The following WDR19 variants were observed in gnomAD, a reference collection of about 807,000 sequenced individuals.
WDR19 encodes WD repeat-containing protein 19.
Under a neutral mutation model 180.0 loss-of-function variants are expected in WDR19, and 121 were observed. The ratio of observed to expected loss-of-function variants is 0.67; its 90% CI spans 0.58 to 0.78. The LOEUF is 0.78. Ranked by LOEUF, WDR19 falls within the 30% of genes least tolerant of loss-of-function variation. The probability of loss-of-function intolerance (pLI) is 0.00; values close to 1 mark genes in which losing one functional copy is unlikely to be tolerated. For synonymous variants in WDR19, 497 were observed against 540.7 expected (o/e 0.92, Z 1.12); for missense variants, 1,450 against 1,640.7 (o/e 0.88, Z 2.01).
chr4:39,271,043 T>C (rs899875285), intron 31 of WDR19, among the ~76,000 whole-genome samples: 1 of 151,684 alleles, frequency 6.6e-6, no homozygotes, highest in African/African-American at 2.4e-5. Context: ...TACAGGCAAA[T>C]GCCACCACAC....
At chr4:39,211,259 C>T (rs1473364) in intron 9 of WDR19, among the ~76,000 whole-genome samples, 59,942 of 152,026 alleles carry the variant, frequency 0.39, 13,514 homozygotes, top group African/African-American at 0.63. Flanking sequence ...ACGGAATGCT[C>T]GTCCCTTAAG....
intron 9 of WDR19, among the ~76,000 whole-genome samples, chr4:39,208,687 A>G (rs562795336): frequency 5.3e-5 from 8 of 152,214 alleles, no homozygotes; most frequent in Non-Finnish European, 1.0e-4. Context: ...GTAAAAGGAT[A>G]GAAAAAGACC....
chr4:39,185,918 TGGAGTCTAGC>T, intron 2 of WDR19, 101 bp downstream of exon 2: 1 of 1,011,132 alleles, frequency 9.9e-7, no homozygotes, highest in Non-Finnish European at 1.4e-6. Flanking sequence ...TTTTTTTAAA[TGGAGTCTAGC>T]TTTGTTGCCC....
intron 17 of WDR19, among the ~76,000 whole-genome samples, chr4:39,230,929 A>G (rs1457046186): frequency 1.3e-5 from 2 of 152,278 alleles, no homozygotes; most frequent in South Asian, 2.1e-4. Flanking sequence ...CAAATGGCAA[A>G]TATTTCAAGC....
intron 33 of WDR19, 162 bp from the exon 34 acceptor site, chr4:39,276,858 G>C: frequency 1.2e-6 from 1 of 839,290 alleles, no homozygotes; most frequent in Middle Eastern, 2.4e-4. Context: ...CCCTGGAGTG[G>C]ATCAAGGGCT....
chr4:39,197,269 C>CA (rs1287566505), intron 5 of WDR19, among the ~76,000 whole-genome samples: 1 of 151,386 alleles, frequency 6.6e-6, no homozygotes. Context: ...ACAAAAAATA[C>CA]AAAAAAATTA....
At chr4:39,245,193 C>T (rs28379410) in intron 23 of WDR19, among the ~76,000 whole-genome samples, 176 bp from the exon 24 acceptor site, 39 of 151,882 alleles carry the variant, frequency 2.6e-4, no homozygotes, top group African/African-American at 8.2e-4. Context: ...GTGATCTGCC[C>T]GCCTCAGCCT....
intron 21 of WDR19, among the ~76,000 whole-genome samples, chr4:39,241,559 T>C (rs1731952476): frequency 6.6e-6 from 1 of 150,666 alleles, no homozygotes; most frequent in Non-Finnish European, 1.5e-5. Context: ...CCCCAGCACT[T>C]TGGGAGGCTG....
chr4:39,205,381 A>G, intron 8 of WDR19, 115 bp downstream of exon 8: 1 of 1,199,778 alleles, frequency 8.3e-7, no homozygotes, highest in Non-Finnish European at 1.2e-6. Context: ...TATACGTCAC[A>G]TTTTCTGATT....
At chr4:39,273,270 C>G (rs890250136) in intron 32 of WDR19, 8 of 512,560 alleles carry the variant, frequency 1.6e-5, no homozygotes, top group Non-Finnish European at 2.7e-5. Flanking sequence ...ACAGTAGTAC[C>G]AAAGCCGAGA....
chr4:39,267,654 C>T (rs1159623278), intron 29 of WDR19, among the ~76,000 whole-genome samples: 1 of 152,146 alleles, frequency 6.6e-6, no homozygotes, highest in African/African-American at 2.4e-5. Flanking sequence ...GGAGTAGGGT[C>T]AGGAATAGAC....
chr4:39,277,207 GATGT>G (rs1735989631), intron 34 of WDR19, 64 bp downstream of exon 34: 2 of 1,475,904 alleles, frequency 1.4e-6, no homozygotes, highest in Non-Finnish European at 1.8e-6. Context: ...TTGAATACTT[GATGT>G]ATGTCAATAT....
chr4:39,205,899 CAAAGT>C (rs1176483637), intron 9 of WDR19, 163 bp downstream of exon 9: 1 of 668,638 alleles, frequency 1.5e-6, no homozygotes, highest in East Asian at 2.9e-5. Context: ...AAATATAAAA[CAAAGT>C]ATAGTTGAAA....
At chr4:39,259,514 G>C (rs187803497) in intron 28 of WDR19, among the ~76,000 whole-genome samples, 1 of 152,254 alleles carries the variant, frequency 6.6e-6, no homozygotes, top group East Asian at 1.9e-4. Flanking sequence ...GTGGCCTTTT[G>C]TGCCTGCTTC....
intron 14 of WDR19, among the ~76,000 whole-genome samples, chr4:39,220,829 TTTTA>T (rs967767833): frequency 4.0e-5 from 6 of 149,658 alleles, no homozygotes; most frequent in African/African-American, 1.5e-4. Flanking sequence ...TATATTTTCT[TTTTA>T]TTTATTTATT....
rs13116473 is a variant in WDR19 at position 39,183,092 on chromosome 4, A to G, written c.6+529A>G. Among the ~76,000 whole-genome samples the G allele has an allele frequency of 8.5e-3, 1,300 of 152,104 alleles. 11 individuals carry two copies. Among genetic ancestry groups the G allele is most frequent in the Middle Eastern group, 0.044 (13 of 294 alleles). Reference sequence around the variant, plus strand: ...TCCAATCACCTGCTAGCGAGTGTACATTATTGACGGGAAATCTGCACCCGA... The same window carrying G: ...TCCAATCACCTGCTAGCGAGTGTACGTTATTGACGGGAAATCTGCACCCGA... On this transcript the variant is annotated intron_variant, in intron 1 of 36. Coordinates refer to ENST00000399820, the MANE Select transcript of WDR19 (RefSeq NM_025132.4).
intron 28 of WDR19, among the ~76,000 whole-genome samples, chr4:39,259,491 A>C (rs1463800625): frequency 6.6e-6 from 1 of 152,200 alleles, no homozygotes; most frequent in Non-Finnish European, 1.5e-5. Flanking sequence ...ATATAAATGG[A>C]ACCATATAAT....
In WDR19 at chr4:39,264,191, C is replaced by T. The variant is rs1578025452; in HGVS notation, c.3184-1872C>T. On this transcript the variant is annotated intron_variant, in intron 28 of 36. Coordinates refer to ENST00000399820, the MANE Select transcript of WDR19 (RefSeq NM_025132.4). ...CCCATATTGAGGCCCCAAGAGTAAT[C>T]TGCCCACGATCACATGGGTCTCAAG... Among the ~76,000 whole-genome samples the T allele has an allele frequency of 2.6e-5, 4 of 152,290 alleles. No homozygotes were observed. In the South Asian group the frequency reaches 8.3e-4, roughly 32 times the overall value.
intron 33 of WDR19, among the ~76,000 whole-genome samples, chr4:39,276,447 G>C (rs1735901607): frequency 6.6e-6 from 1 of 152,122 alleles, no homozygotes; most frequent in Non-Finnish European, 1.5e-5. Context: ...TGCACAAATG[G>C]TTTATAGCTA....
Sources: allele counts gnomAD v4.1 joint callset (sites outside exome capture counted in the v4.1 genomes callset), GRCh38; gene constraint gnomAD v4.1.1; transcripts MANE v1.5; gene names NCBI Gene and HGNC (gene_info 2026-07-23, HGNC 2026-07-21).